Variants in USP31 observed in about 807,000 individuals in gnomAD.
USP31 encodes the protein ubiquitin specific peptidase 31.
In USP31, 44 loss-of-function variants were observed where a neutral mutation model predicts 119.4. That is an observed-to-expected ratio of 0.37 (90% CI 0.29 to 0.47). The LOEUF is 0.47. USP31 is among the 20% of genes least tolerant of loss of function. USP31 has a pLI of 0.99. For missense variants in USP31, 1,643 were observed against 1,730.2 expected, an observed-to-expected ratio of 0.95 and a Z score of 0.89; for synonymous variants, 749 against 705.6, an observed-to-expected ratio of 1.06 and a Z score of -0.97.
At chr16:23,142,166 T>C (rs1903371600) in intron 1 of USP31, among the ~76,000 whole-genome samples, 1 of 152,260 alleles carries the variant, frequency 6.6e-6, no homozygotes, top group Admixed American at 6.5e-5. Flanking sequence ...TGTATTTTTA[T>C]TCCTCAATTA....
chr16:23,090,155 C>T (rs1170738337), intron 7 of USP31, among the ~76,000 whole-genome samples: 4 of 152,148 alleles, frequency 2.6e-5, no homozygotes, highest in African/African-American at 7.2e-5. Flanking sequence ...GAGGCCAAGG[C>T]GGGCGGATCG....
chr16:23,076,850 G>A (rs1900595359), intron 13 of USP31, among the ~76,000 whole-genome samples: 1 of 152,170 alleles, frequency 6.6e-6, no homozygotes, highest in African/African-American at 2.4e-5. Flanking sequence ...TTACAACACC[G>A]GGTGAGTTGT....
chr16:23,068,093 A>G lies in USP31; in HGVS notation c.4012T>C (p.Ser1338Pro), dbSNP rs114041527. The change falls in exon 16 of 16, where the codon TCT becomes CCT. Residue 1338 changes from serine to proline, a missense_variant. By Grantham distance (74) the Ser-to-Pro change is moderately conservative. This residue lies in a region of USP31 where 699 missense variants were observed against 650.9 expected (regional missense o/e 1.07). Coordinates refer to ENST00000219689, the MANE Select transcript of USP31 (RefSeq NM_020718.4). ...CGTGCAGAGGTTTGCATGCTAGAAG[A>G]TAACTTTTTTGAGGATTTCTCTGCA... ...QSAEKSSKKL[S>P]SSMQTSARPS... is the part of the protein sequence containing the mutation. 3.1e-6 allele frequency: 5 copies of G among 1,614,098 alleles called. No individual in the cohort carries two copies. The highest frequency in any genetic ancestry group is 4.2e-6 in the Non-Finnish European group (5 of 1,180,042).
intron 7 of USP31, 103 bp downstream of exon 7, chr16:23,090,521 T>C: frequency 8.4e-7 from 1 of 1,191,750 alleles, no homozygotes; most frequent in Non-Finnish European, 1.1e-6. Flanking sequence ...AATCAAAAAT[T>C]AACTACTAAA....
At chr16:23,140,510 T>A (rs755972254) in intron 1 of USP31, among the ~76,000 whole-genome samples, 1 of 152,206 alleles carries the variant, frequency 6.6e-6, no homozygotes, top group Admixed American at 6.5e-5. Flanking sequence ...CCCCAGACCA[T>A]GCTATATCTA....
chr16:23,147,374 G>T (rs1903547935), intron 1 of USP31, among the ~76,000 whole-genome samples: 1 of 152,086 alleles, frequency 6.6e-6, no homozygotes, highest in African/African-American at 2.4e-5. Context: ...CTCCCAAAGT[G>T]CTAGGATTAC....
rs746477148 is a variant in USP31, at chr16:23,068,071, G to A, written c.4034C>T (p.Ala1345Val). Residue 1345 changes from alanine to valine, a missense_variant, in exon 16 of 16, where the codon GCA (alanine) becomes GTA (valine). By Grantham distance (64) the Ala-to-Val change is moderately conservative. Transcript: ENST00000219689. ...TCACTGAGGTTTTTGAGAAGGCCGT[G>A]CAGAGGTTTGCATGCTAGAAGATAA... ...KKLSSSMQTS[A>V]RPSQKPQ The A allele has an allele frequency of 6.2e-7, 1 of 1,613,706 alleles. No homozygotes were observed. Among genetic ancestry groups the A allele is most frequent in the Non-Finnish European group, 8.5e-7 (1 of 1,179,886 alleles).
In USP31 at chr16:23,068,273, G is replaced by A. The variant is rs200094748; in HGVS notation, c.3832C>T (p.Pro1278Ser). The A allele has an allele frequency of 1.2e-6, 2 of 1,614,100 alleles. No individual in the cohort carries two copies. Among genetic ancestry groups the A allele is most frequent in the East Asian group, 4.5e-5 (2 of 44,876 alleles). ...TTTGCATTTGGCTGCTGGGAAGCTG[G>A]AGGCTGGTGGCCTCTCTCTGCCTCG... ...DDEAERGHQP[P>S]ASQQPNANTT... Residue 1278 changes from proline (P) to serine (S), a missense_variant, in exon 16 of 16, where the codon CCA becomes TCA. Coordinates refer to ENST00000219689, the MANE Select transcript of USP31 (RefSeq NM_020718.4).
At chr16:23,087,049 G>A in intron 9 of USP31, 43 bp downstream of exon 9, 1 of 1,431,844 alleles carries the variant, frequency 7.0e-7, no homozygotes, top group East Asian at 2.4e-5. Flanking sequence ...ACATGAATAT[G>A]TGTGAGATTC....
In USP31 at chr16:23,068,830, G is replaced by A; in HGVS notation, c.3275C>T (p.Pro1092Leu). The A allele has an allele frequency of 6.4e-7, 1 of 1,559,294 alleles. No individual in the cohort carries two copies. Among genetic ancestry groups the A allele is most frequent in the Non-Finnish European group, 8.7e-7 (1 of 1,155,778 alleles). Residue 1092 changes from proline (P) to leucine (L), a missense_variant, in exon 16 of 16, where the codon CCT (proline) becomes CTT (leucine). Pro to Leu is a moderately conservative substitution (Grantham distance 98). Coordinates refer to ENST00000219689, the MANE Select transcript of USP31 (RefSeq NM_020718.4). Reference protein sequence around the residue: ...RGSGRHSSPAPAQPKKESSPK... With the variant: ...RGSGRHSSPALAQPKKESSPK... ...GGATGACTCCTTTTTGGGTTGGGCAGGGGCAGGGGATGAATGCCGTCCACT... is the reference window on the plus strand; with the variant it reads ...GGATGACTCCTTTTTGGGTTGGGCAAGGGCAGGGGATGAATGCCGTCCACT...
At position 23,066,427 on chromosome 16, in the gene USP31, A is replaced by G. The variant is rs3812996; in HGVS notation, c.*1619T>C. On this transcript the variant is annotated 3_prime_UTR_variant, in exon 16 of 16. Coordinates refer to ENST00000219689, the MANE Select transcript of USP31 (RefSeq NM_020718.4). ...TCTTGGGGGGAAAAAAGAAAAAAAA[A>G]GTAGTGCAGAATTCACAGCTATGCA... The G allele has an allele frequency of 0.28, 42,602 of 152,432 alleles. 6,321 individuals are homozygous for G. The highest frequency in any genetic ancestry group is 0.35 in the Admixed American group (5,360 of 15,288). The allele number at this position is 152,432 out of a possible 1,614,324, so 9.4% of individuals were successfully genotyped here. A position where few individuals can be genotyped will look rare whatever the true frequency, so the allele number is the denominator to read the frequency against.
intron 15 of USP31, among the ~76,000 whole-genome samples, 182 bp downstream of exon 15, chr16:23,071,863 A>T (rs573135348): frequency 7.9e-5 from 12 of 152,166 alleles, no homozygotes; most frequent in Middle Eastern, 3.4e-3. Context: ...AAAGCAAATG[A>T]CTCTGTTAAT....
Position 23,077,949 on chromosome 16 carries a change from T to C in USP31, c.2176+1997A>G, listed in dbSNP as rs557398952. Among the ~76,000 whole-genome samples, 17 of 152,252 alleles carry C rather than the reference T, an allele frequency of 1.1e-4. No homozygotes were observed. In the South Asian group the frequency reaches 2.9e-3, roughly 26 times the overall value. ...GAAAAGTTAAAAACCAGAAACAATA[T>C]AGATGTTCAGCAATGGGGAAGGGTT... On this transcript the variant is annotated intron_variant, in intron 13 of 15. Coordinates refer to ENST00000219689, the MANE Select transcript of USP31 (RefSeq NM_020718.4).
chr16:23,111,931 T>C (rs373180274), intron 1 of USP31, among the ~76,000 whole-genome samples: 4 of 152,308 alleles, frequency 2.6e-5, no homozygotes, highest in African/African-American at 9.6e-5. Flanking sequence ...AAGGAACAGA[T>C]TTGCGATTTG....
chr16:23,139,359 G>A (rs764539643), intron 1 of USP31, among the ~76,000 whole-genome samples: 39 of 152,136 alleles, frequency 2.6e-4, no homozygotes, highest in Non-Finnish European at 4.6e-4. Context: ...CCGAGATCAC[G>A]CTAATCACAC....
intron 1 of USP31, among the ~76,000 whole-genome samples, chr16:23,138,398 G>A (rs1400552835): frequency 6.6e-6 from 1 of 152,088 alleles, no homozygotes; most frequent in Admixed American, 6.5e-5. Flanking sequence ...GATACATACT[G>A]TTTGTCCTGA....
intron 1 of USP31, among the ~76,000 whole-genome samples, chr16:23,114,935 T>C (rs193239901): frequency 1.7e-4 from 26 of 152,152 alleles, no homozygotes; most frequent in South Asian, 1.5e-3. Context: ...AAACAAAACA[T>C]AGAAGAATCT....
chr16:23,132,570 C>T (rs1903062564), intron 1 of USP31, among the ~76,000 whole-genome samples: 1 of 152,104 alleles, frequency 6.6e-6, no homozygotes, highest in Admixed American at 6.5e-5. Context: ...ACAACTAACT[C>T]AGGAAAAGCA....
At chr16:23,083,023 G>A (rs1282463975) in intron 11 of USP31, among the ~76,000 whole-genome samples, 1 of 151,932 alleles carries the variant, frequency 6.6e-6, no homozygotes. Context: ...TAGAGACGGG[G>A]TTTTGCCATG....
Sources: gnomAD v4.1 joint callset for allele counts (sites outside exome capture counted in the v4.1 genomes callset) on GRCh38, gnomAD v4.1.1 for gene constraint, gnomAD v4.1.1 regional missense constraint, MANE v1.5 for transcripts, NCBI Gene and HGNC (gene_info 2026-07-23, HGNC 2026-07-21) for gene names.